The following DLGAP1 variants were observed in gnomAD, a reference collection of about 807,000 sequenced individuals.
DLGAP1 encodes the protein disks large-associated protein 1.
DLGAP1 carries 11 observed loss-of-function variants against 90.8 expected under a neutral mutation model. The observed-to-expected ratio is 0.12, with a 90% CI of 0.08 to 0.20. The LOEUF (loss-of-function observed/expected upper bound fraction) is 0.20, where lower values mean the gene tolerates loss of function less well. Ranked by LOEUF, DLGAP1 falls within the 10% of genes least tolerant of loss-of-function variation. The probability of loss-of-function intolerance (pLI) is 1.00; values close to 1 mark genes in which losing one functional copy is unlikely to be tolerated. For missense variants in DLGAP1, 1,050 were observed against 1,333.8 expected (o/e 0.79, Z 3.31); for synonymous variants, 558 against 540.7 (o/e 1.03, Z -0.44).
intron 6 of DLGAP1, among the ~76,000 whole-genome samples, chr18:3,732,390 T>C (rs2062467901): frequency 6.6e-6 from 1 of 152,266 alleles, no homozygotes; most frequent in African/African-American, 2.4e-5. Flanking sequence ...AATGCAATAT[T>C]CTATAATTAC....
intron 5 of DLGAP1, among the ~76,000 whole-genome samples, chr18:3,753,738 T>C (rs137914777): frequency 6.6e-6 from 1 of 152,332 alleles, no homozygotes; most frequent in East Asian, 1.9e-4. Flanking sequence ...TGCCTTCACA[T>C]ACAGTTTCCC....
chr18:3,823,499 C>G (rs1473492539), intron 4 of DLGAP1, among the ~76,000 whole-genome samples: 1 of 152,152 alleles, frequency 6.6e-6, no homozygotes, highest in Non-Finnish European at 1.5e-5. Flanking sequence ...AATGTTACAG[C>G]TTGTCAGAAT....
chr18:4,291,686 C>A (rs1015881484), intron 1 of DLGAP1, among the ~76,000 whole-genome samples: 1 of 152,034 alleles, frequency 6.6e-6, no homozygotes, highest in African/African-American at 2.4e-5. Flanking sequence ...CTATATAATA[C>A]TTTATGTCTC....
intron 1 of DLGAP1, among the ~76,000 whole-genome samples, chr18:4,220,970 A>T (rs1013406977): frequency 6.6e-6 from 1 of 152,126 alleles, no homozygotes; most frequent in Non-Finnish European, 1.5e-5. Context: ...ATTTACCACT[A>T]TGTTATAATT....
chr18:4,120,747 C>T (rs916658923), intron 2 of DLGAP1, among the ~76,000 whole-genome samples: 4 of 151,106 alleles, frequency 2.6e-5, no homozygotes, highest in African/African-American at 7.3e-5. Context: ...TCCCTCCCTC[C>T]GTCCTGCCAT....
intron 1 of DLGAP1, among the ~76,000 whole-genome samples, chr18:4,199,227 C>T (rs2144793607): frequency 6.6e-6 from 1 of 152,218 alleles, no homozygotes; most frequent in East Asian, 1.9e-4. Flanking sequence ...GAGGGTGGGC[C>T]TCCCACTCAT....
At chr18:4,275,745 ACT>A (rs2079397666) in intron 1 of DLGAP1, among the ~76,000 whole-genome samples, 1 of 152,166 alleles carries the variant, frequency 6.6e-6, no homozygotes, top group South Asian at 2.1e-4. Flanking sequence ...TTATGTGTTC[ACT>A]GCTCTCATGG....
At chr18:3,683,078 G>A (rs1354954952) in intron 7 of DLGAP1, among the ~76,000 whole-genome samples, 1 of 151,886 alleles carries the variant, frequency 6.6e-6, no homozygotes, top group Non-Finnish European at 1.5e-5. Context: ...GGCTGGTCTC[G>A]AACTCCTGAC....
chr18:3,596,134 G>C (rs2056561167), intron 7 of DLGAP1, among the ~76,000 whole-genome samples: 1 of 152,036 alleles, frequency 6.6e-6, no homozygotes, highest in African/African-American at 2.4e-5. Context: ...GGCAGGGAGA[G>C]TGCCAGGAGC....
chr18:3,538,256 C>T (rs2052489708), intron 9 of DLGAP1, among the ~76,000 whole-genome samples: 1 of 152,040 alleles, frequency 6.6e-6, no homozygotes, highest in Non-Finnish European at 1.5e-5. Flanking sequence ...GTGATTCTGG[C>T]CATCCATTTT....
At chr18:4,247,512 A>G (rs1009602605) in intron 1 of DLGAP1, among the ~76,000 whole-genome samples, 1 of 152,116 alleles carries the variant, frequency 6.6e-6, no homozygotes, top group Non-Finnish European at 1.5e-5. Flanking sequence ...GCAGTGGCTC[A>G]CACCTGTAAT....
At chr18:4,218,342 T>C (rs879886158) in intron 1 of DLGAP1, among the ~76,000 whole-genome samples, 7 of 152,022 alleles carry the variant, frequency 4.6e-5, no homozygotes, top group Non-Finnish European at 8.8e-5. Context: ...AGTTGACAAA[T>C]AGTAATTGTA....
At chr18:4,335,348 C>G (rs543250468) in intron 1 of DLGAP1, among the ~76,000 whole-genome samples, 1 of 152,046 alleles carries the variant, frequency 6.6e-6, no homozygotes, top group Admixed American at 6.5e-5. Flanking sequence ...ATCCACTACA[C>G]GAGAGAAAAG....
intron 7 of DLGAP1, among the ~76,000 whole-genome samples, chr18:3,655,352 A>C (rs17803945): frequency 0.044 from 6,664 of 152,314 alleles, 203 homozygotes; most frequent in Non-Finnish European, 0.064. Context: ...TATGGGGCTA[A>C]GGAGATCAAT....
At chr18:3,629,694 T>A (rs2058453600) in intron 7 of DLGAP1, among the ~76,000 whole-genome samples, 1 of 150,992 alleles carries the variant, frequency 6.6e-6, no homozygotes. Context: ...AATAAATAAA[T>A]AAAAATAAAT....
chr18:4,140,152 G>A (rs982680110), intron 2 of DLGAP1, among the ~76,000 whole-genome samples: 2 of 151,720 alleles, frequency 1.3e-5, no homozygotes, highest in African/African-American at 2.4e-5. Context: ...TGTTACCTGT[G>A]TTCTGGGTGT....
chr18:4,112,900 G>T (rs1290790047), intron 2 of DLGAP1, among the ~76,000 whole-genome samples: 1 of 151,968 alleles, frequency 6.6e-6, no homozygotes, highest in Non-Finnish European at 1.5e-5. Context: ...TAGGGTATTG[G>T]CCTTTAGCTG....
chr18:3,562,839 T>C (rs1481225864), intron 9 of DLGAP1, among the ~76,000 whole-genome samples: 1 of 152,068 alleles, frequency 6.6e-6, no homozygotes, highest in Non-Finnish European at 1.5e-5. Context: ...TTCTGTTTGT[T>C]TATTTTTGAG....
rs2082177911 is a variant in DLGAP1, at chr18:4,383,829, C to G, written c.-267+71177G>C. On this transcript the variant is annotated intron_variant, in intron 1 of 12. Transcript: ENST00000315677. The surrounding 1 kb of genome is among the most constrained non-coding windows in gnomAD (Gnocchi z 4.0). ...CTACTCTACTGGCACATCTAATCCACAAGTTTGAGGATGAGATTAAGTGCA... is the reference window on the plus strand; with the variant it reads ...CTACTCTACTGGCACATCTAATCCAGAAGTTTGAGGATGAGATTAAGTGCA... Among the ~76,000 whole-genome samples, 1 of 152,118 alleles carries G rather than the reference C, an allele frequency of 6.6e-6. No homozygotes were observed. Among genetic ancestry groups the G allele is most frequent in the Non-Finnish European group, 1.5e-5 (1 of 67,996 alleles).
Sources: allele counts gnomAD v4.1 joint callset (sites outside exome capture counted in the v4.1 genomes callset), GRCh38; gene constraint gnomAD v4.1.1; non-coding constraint Gnocchi (gnomAD v3.1); transcripts MANE v1.5; gene names NCBI Gene and HGNC (gene_info 2026-07-23, HGNC 2026-07-21).